The following NUDT22 variants were observed in gnomAD, a reference collection of about 807,000 sequenced individuals.
NUDT22 encodes the protein nudix hydrolase 22.
In NUDT22, 23 loss-of-function variants were observed where a neutral mutation model predicts 28.8. The ratio of observed to expected loss-of-function variants is 0.80; its 90% CI spans 0.58 to 1.13. The LOEUF (loss-of-function observed/expected upper bound fraction) is 1.13, where lower values mean the gene tolerates loss of function less well. Ranked by LOEUF, NUDT22 falls within the 50% of genes most tolerant of loss-of-function variation. The pLI, the probability that NUDT22 is intolerant of heterozygous loss-of-function variation, is 0.00. For missense variants in NUDT22, 358 were observed against 387.3 expected, an observed-to-expected ratio of 0.92 and a Z score of 0.64; for synonymous variants, 175 against 173.7, an observed-to-expected ratio of 1.01 and a Z score of -0.06.
At chr11:64,229,613 G>A in intron 5 of NUDT22, 42 bp downstream of exon 5, 5 of 1,543,038 alleles carry the variant, frequency 3.2e-6, no homozygotes, top group Non-Finnish European at 4.5e-6. Flanking sequence ...CCAGGGCTGG[G>A]GCCTGCAGAG....
At chr11:64,227,187 T>C (rs1394870715) in intron 2 of NUDT22, 55 bp downstream of exon 2, 4 of 1,536,996 alleles carry the variant, frequency 2.6e-6, no homozygotes, top group Non-Finnish European at 3.5e-6. Context: ...GCTGCAGCTC[T>C]CCACCCTCCC....
chr11:64,229,229 C>G lies in NUDT22; in HGVS notation c.580-18C>G. On this transcript the variant is annotated intron_variant, in intron 3 of 5. Coordinates refer to ENST00000279206, the MANE Select transcript of NUDT22 (RefSeq NM_032344.4). ...CATTGATAGGTGGGACCTCCCCCCACCCCACCCTCCACCGCAGGTGAACCT... is the reference window on the plus strand; with the variant it reads ...CATTGATAGGTGGGACCTCCCCCCAGCCCACCCTCCACCGCAGGTGAACCT... 2 of 1,539,812 alleles carry G rather than the reference C, an allele frequency of 1.3e-6. No individual in the cohort carries two copies. The highest frequency in any genetic ancestry group is 1.8e-6 in the Non-Finnish European group (2 of 1,137,690).
intron 3 of NUDT22, 105 bp from the exon 4 acceptor site, chr11:64,229,141 TA>T: frequency 1.5e-6 from 1 of 686,572 alleles, no homozygotes; most frequent in Non-Finnish European, 2.4e-6. Flanking sequence ...CTACAAGCTA[TA>T]AAATGCTGTA....
chr11:64,230,087 G>C, downstream of NUDT22: 1 of 922,490 alleles, frequency 1.1e-6, no homozygotes, highest in Non-Finnish European at 1.6e-6. Context: ...CAGGACAAGT[G>C]ACTTGGGAAA....
chr11:64,227,717 G>A, intron 3 of NUDT22, 51 bp downstream of exon 3: 1 of 1,466,516 alleles, frequency 6.8e-7, no homozygotes, highest in Non-Finnish European at 9.6e-7. Context: ...GAGGGGGTAG[G>A]ACTTGCCAGA....
chr11:64,229,702 G>A lies in NUDT22; in HGVS notation c.771+131G>A, dbSNP rs1947139826. The A allele has an allele frequency of 4.4e-6, 6 of 1,349,308 alleles. No homozygotes were observed. In the South Asian group the frequency reaches 6.3e-5, roughly 14 times the overall value. 83.6% of individuals were successfully genotyped at this position (1,349,308 alleles called of 1,614,324 possible). On this transcript the variant is annotated intron_variant, in intron 5 of 5. Transcript: ENST00000279206. ...CAGAGTCACAAGATTTGCCCTCAGT[G>A]CAAGGGAAAGGTCCAGGGACATGTT...
At chr11:64,229,740 A>T (rs1033135325) in intron 5 of NUDT22, 110 bp from the exon 6 acceptor site, 1 of 1,455,300 alleles carries the variant, frequency 6.9e-7, no homozygotes, top group Admixed American at 1.8e-5. Context: ...GCCCCTTAAC[A>T]TGCCTCCCTA....
downstream of NUDT22, chr11:64,230,097 A>G (rs752892311): frequency 2.5e-5 from 26 of 1,045,062 alleles, no homozygotes; most frequent in South Asian, 9.3e-5. Flanking sequence ...GACTTGGGAA[A>G]AAAAAAAAAA....
chr11:64,226,315 G>A lies in NUDT22; in HGVS notation c.-131G>A, dbSNP rs749625039. ...GGCGGCTGGTGAGCGCCCGCTGGAG[G>A]CTGGAGCTTCCGGGCCCTGGAAAGG... On this transcript the variant is annotated 5_prime_UTR_variant, in exon 1 of 6. Transcript: ENST00000279206. 3 of 1,107,358 alleles carry A rather than the reference G, an allele frequency of 2.7e-6. No homozygotes were observed. The highest frequency in any genetic ancestry group is 4.1e-5 in the Admixed American group (1 of 24,106). The allele number at this position is 1,107,358 out of a possible 1,614,324, so 68.6% of individuals were successfully genotyped here.
intron 3 of NUDT22, chr11:64,227,935 T>A (rs1947089956): frequency 2.6e-6 from 1 of 391,864 alleles, no homozygotes; most frequent in Admixed American, 4.2e-5. Flanking sequence ...AGTGGCACGA[T>A]CTCTGCTCAC....
rs763178803 is a variant in NUDT22, at chr11:64,226,827, C to T, written c.175C>T (p.Pro59Ser). 8.7e-6 allele frequency: 14 copies of T among 1,609,502 alleles called. No individual in the cohort carries two copies. The East Asian group carries it at 2.4e-4, about 28-fold the overall frequency. Residue 59 changes from proline to serine, a missense_variant, in exon 2 of 6, where the codon CCC becomes TCC. Transcript: ENST00000279206. Reference protein sequence around the residue: ...LKAQPWLFDAPKFRLHSATLA... With the variant: ...LKAQPWLFDASKFRLHSATLA... Reference sequence around the variant, plus strand: ...GGCCCAACCCTGGCTCTTCGACGCCCCCAAGTTCCGCCTGCACTCAGCCAC... The same window carrying T: ...GGCCCAACCCTGGCTCTTCGACGCCTCCAAGTTCCGCCTGCACTCAGCCAC...
chr11:64,229,382 AGGT>A, intron 4 of NUDT22, 38 bp downstream of exon 4: 1 of 1,610,712 alleles, frequency 6.2e-7, no homozygotes, highest in East Asian at 2.2e-5. Context: ...GGTCTTGGGA[AGGT>A]GGGTGGTGAG....
In NUDT22 at chr11:64,226,446, C is replaced by T. The variant is rs551904866; in HGVS notation, c.-19+19C>T. 1.9e-5 allele frequency: 27 copies of T among 1,394,542 alleles called. No homozygotes were observed. The African/African-American group carries it at 3.8e-4, about 20-fold the overall frequency. 86.4% of individuals were successfully genotyped at this position (1,394,542 alleles called of 1,614,324 possible). On this transcript the variant is annotated intron_variant, in intron 1 of 5. Transcript: ENST00000279206. ...CTGGATGGTAGGGATGCCCGGGCGT[C>T]CTGGATACCCTGCGGGACTCGGGGC...
At position 64,226,785 on chromosome 11, in the gene NUDT22, T is replaced by C. The variant is rs1947035398; in HGVS notation, c.133T>C (p.Trp45Arg). ...TGGGGACGAGGCCATCACTGCCATC[T>C]GGGAGACCCGGCTAAAGGCCCAACC... ...PGGDEAITAI[W>R]ETRLKAQPWL... The change falls in exon 2 of 6, where the codon TGG becomes CGG. Residue 45 changes from tryptophan to arginine, a missense_variant. Transcript: ENST00000279206. The C allele has an allele frequency of 6.2e-7, 1 of 1,610,502 alleles. No individual in the cohort carries two copies. The highest frequency in any genetic ancestry group is 1.1e-5 in the South Asian group (1 of 91,092).
chr11:64,227,113 G>A lies in NUDT22; in HGVS notation c.461G>A (p.Gly154Asp), dbSNP rs758343509. 2 of 1,593,152 alleles carry A rather than the reference G, an allele frequency of 1.3e-6. No homozygotes were observed. The highest frequency in any genetic ancestry group is 1.7e-6 in the Non-Finnish European group (2 of 1,174,420). Residue 154 changes from glycine (G) to aspartate (D), a missense_variant, in exon 2 of 6, where the codon GGT (glycine) becomes GAT (aspartate). Physicochemically the swap from Gly to Asp is moderately conservative, Grantham distance 94. Coordinates refer to ENST00000279206, the MANE Select transcript of NUDT22 (RefSeq NM_032344.4). Reference protein sequence around the residue: ...AEAPGLVDVPGGHPEPQALCP... With the variant: ...AEAPGLVDVPDGHPEPQALCP... ...GCCCCTGGGCTGGTGGACGTACCTG[G>A]TGGGCACCCTGAGCCTCAGGTGAGA...
rs75146087 is a variant in NUDT22 at position 64,226,514 on chromosome 11, C to A, written c.-19+87C>A. ...CACGTTTTACTGCCCAAGGAGTGGT[C>A]AGGGGGGTGGAGAAGCGCTGCGGAT... On this transcript the variant is annotated intron_variant, in intron 1 of 5. Coordinates refer to ENST00000279206, the MANE Select transcript of NUDT22 (RefSeq NM_032344.4). 277 of 1,485,210 alleles carry A rather than the reference C, an allele frequency of 1.9e-4. No individual in the cohort carries two copies. The African/African-American group carries it at 3.4e-3, about 18-fold the overall frequency. 92.0% of individuals were successfully genotyped at this position (1,485,210 alleles called of 1,614,324 possible). A position where few individuals can be genotyped will look rare whatever the true frequency, so the allele number is the denominator to read the frequency against.
downstream of NUDT22, chr11:64,230,093 G>GTA: frequency 1.6e-5 from 16 of 1,021,806 alleles, no homozygotes; most frequent in East Asian, 2.7e-5. Flanking sequence ...AAGTGACTTG[G>GTA]GAAAAAAAAA....
intron 3 of NUDT22, 150 bp from the exon 4 acceptor site, chr11:64,229,097 A>G: frequency 1.7e-6 from 1 of 582,868 alleles, no homozygotes; most frequent in Non-Finnish European, 3.0e-6. Context: ...AAACATGCCC[A>G]TCATCTGACA....
At chr11:64,228,293 A>G (rs1359246675) in intron 3 of NUDT22, among the ~76,000 whole-genome samples, 2 of 150,076 alleles carry the variant, frequency 1.3e-5, no homozygotes, top group East Asian at 3.9e-4. Context: ...AGTGATTCTC[A>G]TGCCTTGCCC....
Sources: gnomAD v4.1 joint callset for allele counts (sites outside exome capture counted in the v4.1 genomes callset) on GRCh38, gnomAD v4.1.1 for gene constraint, MANE v1.5 for transcripts, NCBI Gene and HGNC (gene_info 2026-07-23, HGNC 2026-07-21) for gene names.